The following FAM110D variants were observed in gnomAD, a reference collection of about 807,000 sequenced individuals.
The protein encoded by FAM110D is protein FAM110D.
For synonymous variants in FAM110D, 174 were observed against 189.4 expected, an observed-to-expected ratio of 0.92 and a Z score of 0.67; for missense variants, 376 against 395.6, an observed-to-expected ratio of 0.95 and a Z score of 0.42.
At chr1:26,160,190 T>C (rs1463231328) in intron 1 of FAM110D, among the ~76,000 whole-genome samples, 5 of 151,790 alleles carry the variant, frequency 3.3e-5, no homozygotes, top group Admixed American at 6.6e-5. Flanking sequence ...GCCTCCCAGC[T>C]TCAAGCGATT....
Position 26,162,555 on chromosome 1 carries a change from A to G in FAM110D, c.*448A>G, listed in dbSNP as rs776843773. 1.6e-4 allele frequency: 27 copies of G among 170,318 alleles called. No individual in the cohort carries two copies. The highest frequency in any genetic ancestry group is 1.7e-4 in the Non-Finnish European group (12 of 70,464). The allele number at this position is 170,318 out of a possible 1,614,324, so 10.6% of individuals were successfully genotyped here. ...GAGTAGGGGATAGAAGTATTTCAAA[A>G]TAGTTGTAATGCGCATGGCAAAGTG... On this transcript the variant is annotated 3_prime_UTR_variant, in exon 2 of 2. Transcript: ENST00000374268. The surrounding 1 kb of genome is among the most constrained non-coding windows in gnomAD (Gnocchi z 5.3).
chr1:26,162,198 C>T lies in FAM110D; in HGVS notation c.*91C>T. 1 of 812,482 alleles carries T rather than the reference C, an allele frequency of 1.2e-6. No homozygotes were observed. The highest frequency in any genetic ancestry group is 1.7e-6 in the Non-Finnish European group (1 of 600,812). 50.3% of individuals were successfully genotyped at this position (812,482 alleles called of 1,614,324 possible). On this transcript the variant is annotated 3_prime_UTR_variant, in exon 2 of 2. Transcript: ENST00000374268. The surrounding 1 kb of genome is among the most constrained non-coding windows in gnomAD (Gnocchi z 5.3). ...CGCGCTGGGTGCCTTTGCGTAAGCCCTTCCTTCTGGAACTCAGTTTCGCGT... is the reference window on the plus strand; with the variant it reads ...CGCGCTGGGTGCCTTTGCGTAAGCCTTTCCTTCTGGAACTCAGTTTCGCGT...
rs372417636 is a variant in FAM110D at position 26,162,526 on chromosome 1, G to T, written c.*419G>T. ...GCGGCACCCCTCGGTTATTAAGGAG[G>T]GAGGAGTAGGGGATAGAAGTATTTC... On this transcript the variant is annotated 3_prime_UTR_variant, in exon 2 of 2. Transcript: ENST00000374268. This position sits in a 1 kb window ranked among gnomAD's most constrained non-coding sequence, Gnocchi z 5.3. The T allele has an allele frequency of 7.3e-5, 13 of 178,468 alleles. No individual in the cohort carries two copies. Among genetic ancestry groups the T allele is most frequent in the Admixed American group, 1.3e-4 (2 of 15,576 alleles). The allele number at this position is 178,468 out of a possible 1,614,324, so 11.1% of individuals were successfully genotyped here.
Position 26,161,655 on chromosome 1 carries a change from A to G in FAM110D, c.364A>G (p.Ser122Gly). ...GGGTGCCCCGCGGGACGCTGCCCCG[A>G]GCAGCCCGGCCTCCACAGAGCGACC... is the stretch of plus-strand genomic sequence containing the variant. ...FLGAPRDAAP[S>G]SPASTERPAA... The change falls in exon 2 of 2, where the codon AGC becomes GGC. Residue 122 changes from serine (S) to glycine (G), a missense_variant. Ser to Gly is a moderately conservative substitution (Grantham distance 56). Coordinates refer to ENST00000374268, the MANE Select transcript of FAM110D (RefSeq NM_024869.3). The surrounding 1 kb of genome is among the most constrained non-coding windows in gnomAD (Gnocchi z 5.4). 2 of 1,552,566 alleles carry G rather than the reference A, an allele frequency of 1.3e-6. No homozygotes were observed. Among genetic ancestry groups the G allele is most frequent in the Non-Finnish European group, 1.7e-6 (2 of 1,148,456 alleles).
chr1:26,159,869 C>G (rs530105890), intron 1 of FAM110D, among the ~76,000 whole-genome samples: 15 of 151,986 alleles, frequency 9.9e-5, no homozygotes, highest in Non-Finnish European at 1.8e-4. Flanking sequence ...AACCCCTCCT[C>G]GCTCCTTGCC....
Position 26,162,088 on chromosome 1 carries a change from C to A in FAM110D, c.797C>A (p.Pro266Gln). 7.9e-7 allele frequency: 1 copy of A among 1,271,002 alleles called. No homozygotes were observed. The highest frequency in any genetic ancestry group is 9.9e-7 in the Non-Finnish European group (1 of 1,009,542). The allele number at this position is 1,271,002 out of a possible 1,614,324, so 78.7% of individuals were successfully genotyped here. ...GGCTGCCAGCGCGCCCGCGGACCGC[C>A]GCGCGAGTCCGAGGTGTGACCGCCG... ...LYGCQRARGP[P>Q]RESEV Residue 266 changes from proline to glutamine, a missense_variant, in exon 2 of 2, where the codon CCG becomes CAG. Physicochemically the swap from Pro to Gln is moderately conservative, Grantham distance 76. Coordinates refer to ENST00000374268, the MANE Select transcript of FAM110D (RefSeq NM_024869.3). The surrounding 1 kb of genome is among the most constrained non-coding windows in gnomAD (Gnocchi z 5.3).
Position 26,161,342 on chromosome 1 carries a change from C to G in FAM110D, c.51C>G (p.Ala17=), listed in dbSNP as rs2088364127. The change falls in exon 2 of 2, where the codon GCC becomes GCG. Residue 17 remains alanine, a synonymous_variant. Transcript: ENST00000374268. This position sits in a 1 kb window ranked among gnomAD's most constrained non-coding sequence, Gnocchi z 5.4. ...CGTCCAGAGGACGGACCCCCAGCGC[C>G]GTGGAGAGGCTGGAAGCCGACAAAG... ...STPSRGRTPS[A]VERLEADKAK... 7 of 1,592,676 alleles carry G rather than the reference C, an allele frequency of 4.4e-6. No homozygotes were observed. Among genetic ancestry groups the G allele is most frequent in the Non-Finnish European group, 6.0e-6 (7 of 1,170,082 alleles).
Position 26,161,565 on chromosome 1 carries a change from G to T in FAM110D, c.274G>T (p.Asp92Tyr). 1 of 1,550,454 alleles carries T rather than the reference G, an allele frequency of 6.4e-7. No homozygotes were observed. Among genetic ancestry groups the T allele is most frequent in the South Asian group, 1.2e-5 (1 of 84,094 alleles). Residue 92 changes from aspartate to tyrosine, a missense_variant, in exon 2 of 2, where the codon GAC becomes TAC. By Grantham distance (160) the Asp-to-Tyr change is radical. Transcript: ENST00000374268. This position sits in a 1 kb window ranked among gnomAD's most constrained non-coding sequence, Gnocchi z 5.4. ...CCTCATCTTCTACCGCCAGAAGCGG[G>T]ACTGCAAGGCTTCGGTGAACAAAGA... is the stretch of plus-strand genomic sequence containing the variant. ...DSLIFYRQKR[D>Y]CKASVNKENA...
chr1:26,162,182 T>C lies in FAM110D; in HGVS notation c.*75T>C, dbSNP rs2088377450. On this transcript the variant is annotated 3_prime_UTR_variant, in exon 2 of 2. Transcript: ENST00000374268. The surrounding 1 kb of genome is among the most constrained non-coding windows in gnomAD (Gnocchi z 5.3). ...GACACCCCTCTTCTGGCGCGCTGGG[T>C]GCCTTTGCGTAAGCCCTTCCTTCTG... 1 of 958,212 alleles carries C rather than the reference T, an allele frequency of 1.0e-6. No homozygotes were observed. Among genetic ancestry groups the C allele is most frequent in the Non-Finnish European group, 1.4e-6 (1 of 730,618 alleles). 59.4% of individuals were successfully genotyped at this position (958,212 alleles called of 1,614,324 possible). A position where few individuals can be genotyped will look rare whatever the true frequency, so the allele number is the denominator to read the frequency against.
At position 26,162,026 on chromosome 1, in the gene FAM110D, G is replaced by T. The variant is rs941199065; in HGVS notation, c.735G>T (p.Val245=). 7.2e-5 allele frequency: 90 copies of T among 1,247,374 alleles called. No individual in the cohort carries two copies. Among genetic ancestry groups the T allele is most frequent in the Non-Finnish European group, 8.6e-5 (86 of 999,558 alleles). 77.3% of individuals were successfully genotyped at this position (1,247,374 alleles called of 1,614,324 possible). The change falls in exon 2 of 2, where the codon GTG becomes GTT. Residue 245 remains valine (V), a synonymous_variant. Coordinates refer to ENST00000374268, the MANE Select transcript of FAM110D (RefSeq NM_024869.3). The surrounding 1 kb of genome is among the most constrained non-coding windows in gnomAD (Gnocchi z 5.3). Reference sequence around the variant, plus strand: ...GGGACCGGCGCCCCCCGGTGTCGGTGGTGGAGCGCAACGCGCGCGTCATCC... The same window carrying T: ...GGGACCGGCGCCCCCCGGTGTCGGTTGTGGAGCGCAACGCGCGCGTCATCC... The part of the protein sequence containing the change: ...SARDRRPPVS[V]VERNARVIQW...
At position 26,161,262 on chromosome 1, in the gene FAM110D, TG is replaced by T; in HGVS notation, c.-26del. On this transcript the variant is annotated 5_prime_UTR_variant, in exon 2 of 2. An upstream open reading frame in the 5' UTR loses its in-frame stop. Transcript: ENST00000374268. This position sits in a 1 kb window ranked among gnomAD's most constrained non-coding sequence, Gnocchi z 5.4. The stretch of plus-strand genomic sequence containing the variant: ...TCTAGGCCCCGTGGCTGGCTACTTA[TG>T]GGGCACTGTCCTGACCAGCTCTGCT... The T allele has an allele frequency of 6.7e-7, 1 of 1,498,136 alleles. No homozygotes were observed. The highest frequency in any genetic ancestry group is 8.9e-7 in the Non-Finnish European group (1 of 1,121,340). 92.8% of individuals were successfully genotyped at this position (1,498,136 alleles called of 1,614,324 possible).
Position 26,159,080 on chromosome 1 carries a change from G to T in FAM110D, c.-127G>T, listed in dbSNP as rs1458391090. 6.6e-6 allele frequency: 1 copy of T among 152,378 alleles called. No individual in the cohort carries two copies. The highest frequency in any genetic ancestry group is 1.5e-5 in the Non-Finnish European group (1 of 68,164). The allele number at this position is 152,378 out of a possible 1,614,324, so 9.4% of individuals were successfully genotyped here. A position where few individuals can be genotyped will look rare whatever the true frequency, so the allele number is the denominator to read the frequency against. On this transcript the variant is annotated 5_prime_UTR_variant, in exon 1 of 2. Coordinates refer to ENST00000374268, the MANE Select transcript of FAM110D (RefSeq NM_024869.3). ...TCCTTGCTGTCCACTCCTGCCCTCA[G>T]TCTGGACCTGCCCAAGGACCCCTGC... is the stretch of plus-strand genomic sequence containing the variant.
chr1:26,161,859 G>A lies in FAM110D; in HGVS notation c.568G>A (p.Gly190Arg). ...GAERFSPQSW[G>R]ADASPQAGTS... ...AGAGCGCTTCTCCCCGCAGAGCTGG[G>A]GAGCCGACGCCAGCCCGCAGGCCGG... The change falls in exon 2 of 2, where the codon GGA becomes AGA. Residue 190 changes from glycine to arginine, a missense_variant. Physicochemically the swap from Gly to Arg is moderately radical, Grantham distance 125. Coordinates refer to ENST00000374268, the MANE Select transcript of FAM110D (RefSeq NM_024869.3). The surrounding 1 kb of genome is among the most constrained non-coding windows in gnomAD (Gnocchi z 5.4). 1.3e-6 allele frequency: 2 copies of A among 1,512,364 alleles called. No individual in the cohort carries two copies. Among genetic ancestry groups the A allele is most frequent in the South Asian group, 1.2e-5 (1 of 80,824 alleles). The allele number at this position is 1,512,364 out of a possible 1,614,324, so 93.7% of individuals were successfully genotyped here.
intron 1 of FAM110D, among the ~76,000 whole-genome samples, 177 bp downstream of exon 1, chr1:26,159,303 C>T (rs538924657): frequency 1.3e-5 from 2 of 152,348 alleles, no homozygotes; most frequent in African/African-American, 2.4e-5. Flanking sequence ...GAATGGAGGG[C>T]CCGAGGCTGC....
At chr1:26,159,637 A>T (rs1359780349) in intron 1 of FAM110D, among the ~76,000 whole-genome samples, 2 of 150,666 alleles carry the variant, frequency 1.3e-5, no homozygotes, top group African/African-American at 2.4e-5. Context: ...TGCTGGGTGC[A>T]GGGGTGGGCT....
Position 26,162,455 on chromosome 1 carries a change from T to G in FAM110D, c.*348T>G. 4.8e-6 allele frequency: 1 copy of G among 206,432 alleles called. No individual in the cohort carries two copies. The highest frequency in any genetic ancestry group is 1.1e-5 in the Non-Finnish European group (1 of 94,512). 12.8% of individuals were successfully genotyped at this position (206,432 alleles called of 1,614,324 possible). A position where few individuals can be genotyped will look rare whatever the true frequency, so the allele number is the denominator to read the frequency against. ...AACCCGTGGGTTTTGGAATGTGTGT[T>G]CCCGGCTGTGTGATCCTGGGCAAGA... On this transcript the variant is annotated 3_prime_UTR_variant, in exon 2 of 2. Coordinates refer to ENST00000374268, the MANE Select transcript of FAM110D (RefSeq NM_024869.3). This position sits in a 1 kb window ranked among gnomAD's most constrained non-coding sequence, Gnocchi z 5.3.
At chr1:26,159,300 G>T (rs2124490160) in intron 1 of FAM110D, among the ~76,000 whole-genome samples, 174 bp downstream of exon 1, 2 of 152,354 alleles carry the variant, frequency 1.3e-5, no homozygotes, top group Admixed American at 1.3e-4. Context: ...AAGGAATGGA[G>T]GGCCCGAGGC....
intron 1 of FAM110D, among the ~76,000 whole-genome samples, chr1:26,160,720 C>T (rs1289568478): frequency 1.3e-5 from 2 of 152,220 alleles, no homozygotes; most frequent in African/African-American, 4.8e-5. Context: ...CCTGCTGGGC[C>T]TGGGCAGGGC....
At position 26,161,484 on chromosome 1, in the gene FAM110D, A is replaced by G. The variant is rs1007819592; in HGVS notation, c.193A>G (p.Arg65Gly). Residue 65 changes from arginine (R) to glycine (G), a missense_variant, in exon 2 of 2, where the codon AGG (arginine) becomes GGG (glycine). Transcript: ENST00000374268. This position sits in a 1 kb window ranked among gnomAD's most constrained non-coding sequence, Gnocchi z 5.4. The part of the protein sequence containing the change: ...CNELGPPASP[R>G]TPRPVRRGSG... ...CGAGCTGGGGCCCCCTGCATCGCCC[A>G]GGACGCCCAGGCCGGTCCGCCGGGG... The G allele has an allele frequency of 8.4e-6, 13 of 1,554,938 alleles. No individual in the cohort carries two copies. The Admixed American group carries it at 1.7e-4, about 21-fold the overall frequency.
Sources: gnomAD v4.1 joint callset for allele counts (sites outside exome capture counted in the v4.1 genomes callset) on GRCh38, gnomAD v4.1.1 for gene constraint, Gnocchi (gnomAD v3.1) non-coding constraint, MANE v1.5 for transcripts, NCBI Gene and HGNC (gene_info 2026-07-23, HGNC 2026-07-21) for gene names.